The following CSMD1 variants were observed in gnomAD, a reference collection of about 807,000 sequenced individuals.
CSMD1 encodes CUB and Sushi multiple domains 1, also known as CUB and sushi domain-containing protein 1.
Under a neutral mutation model 417.5 loss-of-function variants are expected in CSMD1, and 213 were observed. The ratio of observed to expected loss-of-function variants is 0.51; its 90% CI spans 0.46 to 0.57. The LOEUF is 0.57. CSMD1 is among the 20% of genes least tolerant of loss of function. The pLI, the probability that CSMD1 is intolerant of heterozygous loss-of-function variation, is 0.00. For synonymous variants in CSMD1, 2,862 were observed against 1,736.8 expected (o/e 1.65, Z -16.11); for missense variants, 6,923 against 4,529.7 (o/e 1.53, Z -15.17).
intron 2 of CSMD1, among the ~76,000 whole-genome samples, chr8:4,486,495 A>C (rs1801424493): frequency 6.6e-6 from 1 of 151,810 alleles, no homozygotes; most frequent in African/African-American, 2.4e-5. Flanking sequence ...TAGATTTTAA[A>C]AATTAGTGAT....
intron 25 of CSMD1, among the ~76,000 whole-genome samples, chr8:3,289,626 T>G (rs1803402944): frequency 1.4e-5 from 2 of 147,096 alleles, no homozygotes; most frequent in Admixed American, 1.3e-4. Context: ...AATGTCTTCT[T>G]TTGAGAAGTG....
intron 3 of CSMD1, among the ~76,000 whole-genome samples, chr8:4,299,906 G>C (rs1039011642): frequency 6.6e-6 from 1 of 152,096 alleles, no homozygotes; most frequent in African/African-American, 2.4e-5. Context: ...TAGGATTACA[G>C]GTATAAGCCA....
chr8:3,333,218 T>A (rs1000867376), intron 23 of CSMD1, among the ~76,000 whole-genome samples: 1 of 152,078 alleles, frequency 6.6e-6, no homozygotes, highest in African/African-American at 2.4e-5. Flanking sequence ...CACGTCCTTG[T>A]GAGACCCTGA....
At chr8:3,605,819 G>C (rs1167255855) in intron 8 of CSMD1, among the ~76,000 whole-genome samples, 1 of 152,130 alleles carries the variant, frequency 6.6e-6, no homozygotes, top group Non-Finnish European at 1.5e-5. Flanking sequence ...TTAGAGCCTA[G>C]GTTATGACTC....
chr8:4,040,450 G>C (rs934080505), intron 3 of CSMD1, among the ~76,000 whole-genome samples: 8 of 152,180 alleles, frequency 5.3e-5, no homozygotes. Context: ...AGTAGAGCTT[G>C]CATATGATGA....
chr8:4,858,049 C>T (rs1320193089), intron 1 of CSMD1, among the ~76,000 whole-genome samples: 1 of 152,086 alleles, frequency 6.6e-6, no homozygotes, highest in Admixed American at 6.5e-5. Flanking sequence ...AGCAGCACAT[C>T]AAAAAGCTTA....
chr8:4,180,333 A>G (rs527374097), intron 3 of CSMD1, among the ~76,000 whole-genome samples: 1 of 151,262 alleles, frequency 6.6e-6, no homozygotes, highest in African/African-American at 2.4e-5. Flanking sequence ...AAGGACAAAA[A>G]ACCAAACAAT....
intron 10 of CSMD1, among the ~76,000 whole-genome samples, chr8:3,564,337 G>C (rs938958218): frequency 2.2e-5 from 3 of 139,424 alleles, no homozygotes; most frequent in Non-Finnish European, 4.7e-5. Flanking sequence ...TGAATGTTTT[G>C]TCGTCCTCAG....
At chr8:4,683,672 A>C (rs934351381) in intron 1 of CSMD1, among the ~76,000 whole-genome samples, 10 of 152,262 alleles carry the variant, frequency 6.6e-5, no homozygotes, top group Non-Finnish European at 1.3e-4. Context: ...ACTCCCAGCC[A>C]GTCCAGTGGC....
intron 6 of CSMD1, among the ~76,000 whole-genome samples, chr8:3,725,168 T>G (rs184873904): frequency 1.3e-5 from 2 of 152,178 alleles, no homozygotes; most frequent in Admixed American, 1.3e-4. Flanking sequence ...GAGGGAGCTG[T>G]GCCCTGAAGG....
chr8:2,942,357 A>G (rs1801935586), intron 69 of CSMD1, 115 bp downstream of exon 69: 4 of 907,970 alleles, frequency 4.4e-6, no homozygotes, highest in Middle Eastern at 2.4e-4. Context: ...AAAAAAAAAG[A>G]ACATTGCATA....
At chr8:4,232,703 G>A (rs551404021) in intron 3 of CSMD1, among the ~76,000 whole-genome samples, 1 of 152,118 alleles carries the variant, frequency 6.6e-6, no homozygotes, top group Non-Finnish European at 1.5e-5. Flanking sequence ...TTTTATAAAA[G>A]TGTCATGTCA....
chr8:4,840,109 G>C (rs918549517), intron 1 of CSMD1, among the ~76,000 whole-genome samples: 6 of 21,120 alleles, frequency 2.8e-4, no homozygotes, highest in African/African-American at 4.7e-4. Flanking sequence ...CACTCACTTA[G>C]ACTCCACGGA....
chr8:4,823,923 G>A (rs561536274), intron 1 of CSMD1, among the ~76,000 whole-genome samples: 1 of 152,002 alleles, frequency 6.6e-6, no homozygotes, highest in East Asian at 1.9e-4. Context: ...AAAGAGGAAA[G>A]AGCATTCTAA....
At chr8:3,184,562 T>C (rs1272157142) in intron 36 of CSMD1, among the ~76,000 whole-genome samples, 1 of 152,260 alleles carries the variant, frequency 6.6e-6, no homozygotes, top group East Asian at 1.9e-4. Flanking sequence ...ATTTGCCTTC[T>C]TCTTACGCAT....
intron 3 of CSMD1, among the ~76,000 whole-genome samples, chr8:4,126,240 C>T (rs750427600): frequency 6.6e-6 from 1 of 152,278 alleles, no homozygotes; most frequent in South Asian, 2.1e-4. Context: ...AATAATAAAA[C>T]TCCAGTCTCC....
chr8:3,740,828 C>T lies in CSMD1; in HGVS notation c.931+13102G>A, dbSNP rs116493464. ...CAGCTTAGGGAGGCTATGCAGGCAACAGAGTGCCCAGTGGAGGAGAGTATA... is the reference window on the plus strand; with the variant it reads ...CAGCTTAGGGAGGCTATGCAGGCAATAGAGTGCCCAGTGGAGGAGAGTATA... On this transcript the variant is annotated intron_variant, in intron 6 of 69. Coordinates refer to ENST00000635120, the MANE Select transcript of CSMD1 (RefSeq NM_033225.6). 7.9e-3 allele frequency among the ~76,000 whole-genome samples: 1,198 copies of T among 152,256 alleles called. 13 individuals are homozygous for T. The highest frequency in any genetic ancestry group is 0.034 in the Middle Eastern group (10 of 294).
intron 2 of CSMD1, among the ~76,000 whole-genome samples, chr8:4,569,009 T>A (rs1253416265): frequency 6.6e-6 from 1 of 152,168 alleles, no homozygotes; most frequent in African/African-American, 2.4e-5. Context: ...ATTCTGGATA[T>A]TAGATTAACT....
intron 30 of CSMD1, among the ~76,000 whole-genome samples, chr8:3,208,109 T>G (rs1797407627): frequency 6.6e-6 from 1 of 152,194 alleles, no homozygotes; most frequent in Non-Finnish European, 1.5e-5. Flanking sequence ...AAAATATATT[T>G]TATTTGCGCT....
Sources: gnomAD v4.1 joint callset for allele counts (sites outside exome capture counted in the v4.1 genomes callset) on GRCh38, gnomAD v4.1.1 for gene constraint, MANE v1.5 for transcripts, NCBI Gene and HGNC (gene_info 2026-07-23, HGNC 2026-07-21) for gene names.